The following LYRM4 variants were observed in gnomAD, a reference collection of about 807,000 sequenced individuals.
LYRM4 encodes LYR motif containing 4, also known as LYR motif-containing protein 4.
In LYRM4, 9 loss-of-function variants were observed where a neutral mutation model predicts 11.7. The ratio of observed to expected loss-of-function variants is 0.77; its 90% CI spans 0.46 to 1.34. The LOEUF is 1.34. LYRM4 is among the 40% of genes most tolerant of loss of function. The pLI is 0.00. For missense variants in LYRM4, 133 were observed against 112.5 expected (o/e 1.18, Z -0.82); for synonymous variants, 42 against 40.4 (o/e 1.04, Z -0.15).
chr6:5,117,380 C>A (rs574160568), intron 2 of LYRM4, among the ~76,000 whole-genome samples: 2 of 152,102 alleles, frequency 1.3e-5, no homozygotes, highest in Non-Finnish European at 2.9e-5. Flanking sequence ...CATGGTGAAA[C>A]GCTGTCTCTA....
chr6:5,191,765 T>A (rs73363049), intron 2 of LYRM4, among the ~76,000 whole-genome samples: 49 of 152,332 alleles, frequency 3.2e-4, no homozygotes, highest in African/African-American at 1.1e-3. Context: ...AAAAACAGTA[T>A]GTTTACAGTG....
the LYRM4 span, chr6:5,086,314 C>T: frequency 6.5e-7 from 1 of 1,535,704 alleles, no homozygotes; most frequent in Non-Finnish European, 8.7e-7. Flanking sequence ...GCCACAGCAG[C>T]CAGAGGCACC....
chr6:5,176,857 G>A (rs994588117), intron 2 of LYRM4, among the ~76,000 whole-genome samples: 2 of 152,220 alleles, frequency 1.3e-5, no homozygotes, highest in African/African-American at 4.8e-5. Context: ...TGAGGCAGAA[G>A]TATAAGTTCT....
the LYRM4 span, among the ~76,000 whole-genome samples, chr6:5,056,940 A>G: frequency 6.6e-6 from 1 of 152,200 alleles, no homozygotes; most frequent in Non-Finnish European, 1.5e-5. Context: ...GCAACGTCAT[A>G]CATTGGTAGT....
intron 2 of LYRM4, among the ~76,000 whole-genome samples, chr6:5,189,554 A>T (rs1294866765): frequency 6.6e-6 from 1 of 152,194 alleles, no homozygotes; most frequent in Non-Finnish European, 1.5e-5. Context: ...TCTGACATGC[A>T]TTTCGGGTGA....
At chr6:5,138,012 G>A (rs964402288) in intron 2 of LYRM4, among the ~76,000 whole-genome samples, 12 of 152,156 alleles carry the variant, frequency 7.9e-5, no homozygotes, top group Non-Finnish European at 1.8e-4. Context: ...TGGTCAAAAC[G>A]TACTGGGGAA....
chr6:5,128,722 G>T (rs187372848), intron 2 of LYRM4, among the ~76,000 whole-genome samples: 153 of 152,240 alleles, frequency 1.0e-3, no homozygotes, highest in African/African-American at 3.5e-3. Flanking sequence ...TCCACACTTC[G>T]ATGTTCCCAC....
intron 2 of LYRM4, among the ~76,000 whole-genome samples, chr6:5,163,805 G>C (rs1426623641): frequency 6.6e-6 from 1 of 151,812 alleles, no homozygotes; most frequent in Non-Finnish European, 1.5e-5. Context: ...GTAGAGACTG[G>C]GTTTCACCAT....
rs148973839 is a variant in LYRM4 at position 5,115,211 on chromosome 6, G to A, written c.208-5720C>T. On this transcript the variant is annotated intron_variant, in intron 2 of 2. Coordinates refer to ENST00000330636, the MANE Select transcript of LYRM4 (RefSeq NM_020408.6). ...AAATCTGATTTTTTCCTTATAAAAG[G>A]TTTCTAGAAGTAGAATTGTTGGATA... 2.6e-5 allele frequency among the ~76,000 whole-genome samples: 4 copies of A among 152,152 alleles called. No homozygotes were observed. The East Asian group carries it at 7.7e-4, about 29-fold the overall frequency.
the LYRM4 span, among the ~76,000 whole-genome samples, chr6:5,071,511 A>G: frequency 6.6e-6 from 1 of 151,496 alleles, no homozygotes; most frequent in Admixed American, 6.6e-5. Flanking sequence ...GGGCCAGAAA[A>G]CTCAGCACTC....
intron 1 of LYRM4, among the ~76,000 whole-genome samples, chr6:5,233,834 G>A (rs116063720): frequency 4.5e-4 from 68 of 152,316 alleles, no homozygotes; most frequent in Non-Finnish European, 8.2e-4. Context: ...TCTGCAATAT[G>A]TTCACGGTCC....
intron 2 of LYRM4, among the ~76,000 whole-genome samples, chr6:5,110,057 G>A (rs1581282977): frequency 6.6e-6 from 1 of 152,278 alleles, no homozygotes; most frequent in East Asian, 1.9e-4. Context: ...TTTATTAAGT[G>A]TCTTAATGCC....
At chr6:5,152,890 G>A (rs367689836) in intron 2 of LYRM4, among the ~76,000 whole-genome samples, 4 of 152,280 alleles carry the variant, frequency 2.6e-5, no homozygotes, top group South Asian at 4.1e-4. Flanking sequence ...AGATGAGAAA[G>A]GCATAAGGGT....
At chr6:5,246,137 C>T (rs1207215574) in intron 1 of LYRM4, among the ~76,000 whole-genome samples, 3 of 152,038 alleles carry the variant, frequency 2.0e-5, no homozygotes, top group Admixed American at 6.5e-5. Context: ...TAAAAATTTG[C>T]TAATAAGGAA....
At chr6:5,239,564 A>T (rs1376009214) in intron 1 of LYRM4, among the ~76,000 whole-genome samples, 1 of 152,056 alleles carries the variant, frequency 6.6e-6, no homozygotes, top group Non-Finnish European at 1.5e-5. Context: ...AGAGGAGCAG[A>T]CAAGGAGAAG....
chr6:5,147,139 A>T (rs780444037), intron 2 of LYRM4, among the ~76,000 whole-genome samples: 1 of 152,164 alleles, frequency 6.6e-6, no homozygotes, highest in Non-Finnish European at 1.5e-5. Flanking sequence ...TGATGATCCT[A>T]ATTGGGTCAC....
chr6:5,166,875 AAAC>A (rs1759117319), intron 2 of LYRM4, among the ~76,000 whole-genome samples: 1 of 152,248 alleles, frequency 6.6e-6, no homozygotes, highest in African/African-American at 2.4e-5. Context: ...GGAGAGAAAC[AAAC>A]AACACGTATA....
At chr6:5,259,746 A>T (rs1764884027) in intron 1 of LYRM4, among the ~76,000 whole-genome samples, 2 of 152,194 alleles carry the variant, frequency 1.3e-5, no homozygotes, top group African/African-American at 2.4e-5. Context: ...ATCCAACCAG[A>T]TTCTTTCTCA....
At chr6:5,184,196 C>T (rs191468197) in intron 2 of LYRM4, among the ~76,000 whole-genome samples, 3 of 151,964 alleles carry the variant, frequency 2.0e-5, no homozygotes, top group South Asian at 2.1e-4. Context: ...ATATTCTTAA[C>T]GATAATGATC....
Sources: gnomAD v4.1 joint callset for allele counts (sites outside exome capture counted in the v4.1 genomes callset) on GRCh38, gnomAD v4.1.1 for gene constraint, MANE v1.5 for transcripts, NCBI Gene and HGNC (gene_info 2026-07-23, HGNC 2026-07-21) for gene names.